Variants in EPHA5 observed in about 807,000 individuals in gnomAD.
EPHA5 encodes EPH receptor A5.
In EPHA5, 60 loss-of-function variants were observed where a neutral mutation model predicts 105.0. That is an observed-to-expected ratio of 0.57 (90% CI 0.46 to 0.71). EPHA5 has a LOEUF of 0.71. EPHA5 is among the 30% of genes least tolerant of loss of function. EPHA5 has a pLI of 0.00. For missense variants in EPHA5, 1,218 were observed against 1,274.7 expected (o/e 0.96, Z 0.68); for synonymous variants, 513 against 449.1 (o/e 1.14, Z -1.80).
chr4:65,623,904 C>T (rs1397371489), intron 2 of EPHA5, among the ~76,000 whole-genome samples: 1 of 152,114 alleles, frequency 6.6e-6, no homozygotes, highest in African/African-American at 2.4e-5. Context: ...GTTTTAACAA[C>T]ACTATGGCAA....
intron 5 of EPHA5, among the ~76,000 whole-genome samples, chr4:65,425,413 C>A (rs1016699654): frequency 6.6e-6 from 1 of 151,962 alleles, no homozygotes; most frequent in Non-Finnish European, 1.5e-5. Context: ...ATTAATGAAG[C>A]ATGTCTAGGC....
At chr4:65,505,168 G>C (rs1012392601) in intron 3 of EPHA5, among the ~76,000 whole-genome samples, 1 of 151,882 alleles carries the variant, frequency 6.6e-6, no homozygotes, top group African/African-American at 2.4e-5. Context: ...GAACAGACTT[G>C]GAAAGAACAC....
intron 5 of EPHA5, among the ~76,000 whole-genome samples, chr4:65,489,831 T>C (rs1731231783): frequency 6.6e-6 from 1 of 152,186 alleles, no homozygotes; most frequent in Non-Finnish European, 1.5e-5. Context: ...GGTTGTATAA[T>C]AGTTCATAGT....
At position 65,320,371 on chromosome 4, in the gene EPHA5, C is replaced by T. The variant is rs1444763983; in HGVS notation, c.*3743G>A. ...TCATCAGGATCATCATCATATTGTA[C>T]CTACTTTTTGCTTAATTTGAAGTTA... On this transcript the variant is annotated 3_prime_UTR_variant, in exon 17 of 17. Transcript: ENST00000613740. 4.3e-6 allele frequency: 1 copy of T among 230,036 alleles called. No individual in the cohort carries two copies. Among genetic ancestry groups the T allele is most frequent in the Non-Finnish European group, 8.6e-6 (1 of 116,134 alleles). 14.2% of individuals were successfully genotyped at this position (230,036 alleles called of 1,614,324 possible).
At chr4:65,419,173 C>G (rs1006401559) in intron 6 of EPHA5, among the ~76,000 whole-genome samples, 4 of 151,848 alleles carry the variant, frequency 2.6e-5, no homozygotes, top group Admixed American at 1.3e-4. Context: ...CATGAGCCAC[C>G]GCACCCGGCC....
chr4:65,625,390 A>G (rs183730278), intron 2 of EPHA5, among the ~76,000 whole-genome samples: 7 of 152,296 alleles, frequency 4.6e-5, no homozygotes, highest in African/African-American at 1.4e-4. Flanking sequence ...AGGTTTTTGC[A>G]TCTTACATAT....
intron 3 of EPHA5, among the ~76,000 whole-genome samples, chr4:65,589,523 T>C (rs928001735): frequency 2.5e-4 from 38 of 152,184 alleles, no homozygotes; most frequent in Admixed American, 1.2e-3. Flanking sequence ...ATTTCATTTA[T>C]CTGGGCAGCA....
At chr4:65,400,530 A>C (rs899728832) in intron 8 of EPHA5, among the ~76,000 whole-genome samples, 1 of 152,070 alleles carries the variant, frequency 6.6e-6, no homozygotes, top group African/African-American at 2.4e-5. Context: ...GTTAAATAGG[A>C]TTTTTCCTTC....
intron 2 of EPHA5, among the ~76,000 whole-genome samples, chr4:65,640,293 T>C (rs1048728474): frequency 2.8e-5 from 4 of 141,162 alleles, no homozygotes; most frequent in Admixed American, 7.1e-5. Flanking sequence ...TTTTTTTTTT[T>C]TTTTTTTTTT....
chr4:65,486,438 A>G (rs1335539972), intron 5 of EPHA5, among the ~76,000 whole-genome samples: 1 of 152,178 alleles, frequency 6.6e-6, no homozygotes, highest in Non-Finnish European at 1.5e-5. Context: ...CAGCAAACTT[A>G]CAGAGAGGGC....
chr4:65,586,005 A>G (rs1294126917), intron 3 of EPHA5, among the ~76,000 whole-genome samples: 1 of 151,720 alleles, frequency 6.6e-6, no homozygotes, highest in African/African-American at 2.4e-5. Flanking sequence ...AGAAAAAACA[A>G]AAATAGGAGA....
intron 5 of EPHA5, 76 bp from the exon 6 acceptor site, chr4:65,420,641 A>T (rs1723861221): frequency 7.3e-7 from 1 of 1,378,602 alleles, no homozygotes. Context: ...TATTACGTAT[A>T]TTGGCATTTT....
At chr4:65,573,613 G>A in intron 3 of EPHA5, 1 of 1,599,900 alleles carries the variant, frequency 6.3e-7, no homozygotes, top group Non-Finnish European at 8.5e-7. Context: ...GTCCTTGTCA[G>A]AGGAATTGGC....
intron 3 of EPHA5, among the ~76,000 whole-genome samples, chr4:65,508,449 A>G (rs1399261979): frequency 3.9e-5 from 6 of 152,124 alleles, no homozygotes; most frequent in Non-Finnish European, 5.9e-5. Context: ...GTTTTCAGTC[A>G]TGAATATCTC....
intron 5 of EPHA5, among the ~76,000 whole-genome samples, chr4:65,423,345 C>T (rs1357863498): frequency 6.6e-6 from 1 of 151,638 alleles, no homozygotes; most frequent in East Asian, 1.9e-4. Flanking sequence ...AACATTTTTT[C>T]CCCAGCATTC....
chr4:65,337,986 A>G (rs964910723), intron 14 of EPHA5, among the ~76,000 whole-genome samples: 1 of 152,082 alleles, frequency 6.6e-6, no homozygotes, highest in Non-Finnish European at 1.5e-5. Flanking sequence ...TAGTAATTAT[A>G]AGGCAAACTC....
At chr4:65,498,083 T>C (rs981704385) in intron 3 of EPHA5, among the ~76,000 whole-genome samples, 1 of 152,084 alleles carries the variant, frequency 6.6e-6, no homozygotes, top group South Asian at 2.1e-4. Flanking sequence ...TGAAAGATTA[T>C]GAAAATGATT....
chr4:65,458,284 A>C (rs1228818824), intron 5 of EPHA5, among the ~76,000 whole-genome samples: 1 of 152,136 alleles, frequency 6.6e-6, no homozygotes, highest in Non-Finnish European at 1.5e-5. Context: ...TAAATGAAAT[A>C]TTTATATTCT....
chr4:65,326,796 A>G (rs1375181359), intron 16 of EPHA5, among the ~76,000 whole-genome samples: 3 of 151,460 alleles, frequency 2.0e-5, no homozygotes, highest in Middle Eastern at 3.4e-3. Flanking sequence ...ATATATGCTT[A>G]AATTGCATAA....
Sources: gnomAD v4.1 joint callset for allele counts (sites outside exome capture counted in the v4.1 genomes callset) on GRCh38, gnomAD v4.1.1 for gene constraint, MANE v1.5 for transcripts, NCBI Gene and HGNC (gene_info 2026-07-23, HGNC 2026-07-21) for gene names.